The following VTCN1 variants were observed in gnomAD, a reference collection of about 807,000 sequenced individuals.
VTCN1 encodes the protein V-set domain containing T cell activation inhibitor 1, also known as V-set domain-containing T-cell activation inhibitor 1.
Under a neutral mutation model 26.5 loss-of-function variants are expected in VTCN1, and 26 were observed. That is an observed-to-expected ratio of 0.98 (90% CI 0.72 to 1.36). The LOEUF (loss-of-function observed/expected upper bound fraction) is 1.36, where lower values mean the gene tolerates loss of function less well. Ranked by LOEUF, VTCN1 falls within the 40% of genes most tolerant of loss-of-function variation. The probability of loss-of-function intolerance (pLI) is 0.00; values close to 1 mark genes in which losing one functional copy is unlikely to be tolerated. For synonymous variants in VTCN1, 116 were observed against 130.7 expected (o/e 0.89, Z 0.77); for missense variants, 298 against 337.7 (o/e 0.88, Z 0.92).
At chr1:117,181,404 C>A (rs1040480502) in intron 1 of VTCN1, among the ~76,000 whole-genome samples, 1 of 152,146 alleles carries the variant, frequency 6.6e-6, no homozygotes, top group Non-Finnish European at 1.5e-5. Context: ...AATTTAAGAC[C>A]ACCTTTAAAT....
chr1:117,189,337 C>G (rs1200943405), intron 1 of VTCN1, among the ~76,000 whole-genome samples: 4 of 152,330 alleles, frequency 2.6e-5, no homozygotes, highest in South Asian at 4.1e-4. Flanking sequence ...GCATGATTTA[C>G]TCCATTGAAC....
intron 2 of VTCN1, among the ~76,000 whole-genome samples, chr1:117,160,155 T>C (rs963477484): frequency 7.2e-5 from 11 of 152,096 alleles, no homozygotes; most frequent in African/African-American, 2.2e-4. Flanking sequence ...CAAAGAAGTA[T>C]GGGGGAGAGA....
At chr1:117,192,005 G>GGA (rs1353140406) in intron 1 of VTCN1, among the ~76,000 whole-genome samples, 7 of 136,940 alleles carry the variant, frequency 5.1e-5, no homozygotes, top group Non-Finnish European at 7.7e-5. Flanking sequence ...CCAATTCTTA[G>GGA]GAGATATATA....
At chr1:117,200,524 C>G (rs1426705333) in intron 1 of VTCN1, among the ~76,000 whole-genome samples, 1 of 152,174 alleles carries the variant, frequency 6.6e-6, no homozygotes, top group Non-Finnish European at 1.5e-5. Context: ...ACTCCAAGAC[C>G]TAAGGGACAG....
At chr1:117,157,013 T>A (rs1481516435) in intron 2 of VTCN1, 92 bp from the exon 3 acceptor site, 1 of 1,604,102 alleles carries the variant, frequency 6.2e-7, no homozygotes, top group East Asian at 2.2e-5. Context: ...CAGAGACTTC[T>A]GTGATAAATT....
At chr1:117,153,856 T>C (rs1477208570) in intron 3 of VTCN1, among the ~76,000 whole-genome samples, 2 of 152,198 alleles carry the variant, frequency 1.3e-5, no homozygotes, top group African/African-American at 2.4e-5. Flanking sequence ...AGCTTTGTCA[T>C]CACAGGGATT....
chr1:117,181,488 TG>T (rs1647669753), intron 1 of VTCN1, among the ~76,000 whole-genome samples: 1 of 152,226 alleles, frequency 6.6e-6, no homozygotes, highest in Non-Finnish European at 1.5e-5. Context: ...ACTGCCCAGT[TG>T]CTCTCTGCTT....
At chr1:117,190,522 T>C (rs1648192769) in intron 1 of VTCN1, among the ~76,000 whole-genome samples, 1 of 152,094 alleles carries the variant, frequency 6.6e-6, no homozygotes, top group Non-Finnish European at 1.5e-5. Flanking sequence ...TACACACACC[T>C]GATAACAAGC....
At chr1:117,204,147 C>T (rs1279470306) in intron 1 of VTCN1, among the ~76,000 whole-genome samples, 1 of 152,178 alleles carries the variant, frequency 6.6e-6, no homozygotes, top group African/African-American at 2.4e-5. Context: ...CCCTGCAAGT[C>T]TCTGTTTTTC....
intron 1 of VTCN1, among the ~76,000 whole-genome samples, chr1:117,174,486 G>C (rs935139446): frequency 4.6e-5 from 7 of 152,194 alleles, no homozygotes; most frequent in Admixed American, 1.3e-4. Context: ...AAATGAACAG[G>C]CCAGGCGCGG....
At chr1:117,206,662 A>T (rs1649087186) in intron 1 of VTCN1, among the ~76,000 whole-genome samples, 2 of 17,146 alleles carry the variant, frequency 1.2e-4, no homozygotes, top group Non-Finnish European at 5.9e-4. Context: ...AGGAACAGAT[A>T]TTCATATCTG....
intron 4 of VTCN1, among the ~76,000 whole-genome samples, chr1:117,152,394 C>T (rs938192945): frequency 6.6e-5 from 10 of 152,122 alleles, no homozygotes; most frequent in African/African-American, 1.9e-4. Context: ...AATCCAATTT[C>T]GCCCCAGGAA....
At chr1:117,173,389 C>T (rs1653029190) in intron 1 of VTCN1, 1 of 476,272 alleles carries the variant, frequency 2.1e-6, no homozygotes, top group Non-Finnish European at 3.8e-6. Context: ...CACACACACA[C>T]AACACCATGT....
Position 117,155,836 on chromosome 1 carries a change from T to G in VTCN1, c.445+738A>C, listed in dbSNP as rs551144743. ...GGGCTTTCCCATCCCTTCCCTCCTATGCATTTGAACGGGATCTCTCTCTTC... is the reference window on the plus strand; with the variant it reads ...GGGCTTTCCCATCCCTTCCCTCCTAGGCATTTGAACGGGATCTCTCTCTTC... On this transcript the variant is annotated intron_variant, in intron 3 of 5. Coordinates refer to ENST00000369458, the MANE Select transcript of VTCN1 (RefSeq NM_024626.4). This position sits in a 1 kb window ranked among gnomAD's most constrained non-coding sequence, Gnocchi z 4.8. Among the ~76,000 whole-genome samples the G allele has an allele frequency of 4.6e-5, 7 of 152,224 alleles. No homozygotes were observed. The highest frequency in any genetic ancestry group is 1.0e-4 in the Non-Finnish European group (7 of 68,036).
At chr1:117,202,361 G>A (rs1408859186) in intron 1 of VTCN1, among the ~76,000 whole-genome samples, 1 of 152,206 alleles carries the variant, frequency 6.6e-6, no homozygotes, top group Non-Finnish European at 1.5e-5. Context: ...GATGTCAGGA[G>A]TGAGGGGGAG....
At chr1:117,177,563 A>G (rs930412764) in intron 1 of VTCN1, among the ~76,000 whole-genome samples, 1 of 152,188 alleles carries the variant, frequency 6.6e-6, no homozygotes, top group Non-Finnish European at 1.5e-5. Context: ...CTCCATCAAC[A>G]TGGCAGCAGA....
intron 1 of VTCN1, among the ~76,000 whole-genome samples, chr1:117,210,212 TCAGCAGCAGCAGCAGCAG>T (rs71582595): frequency 1.3e-5 from 2 of 150,122 alleles, no homozygotes; most frequent in African/African-American, 4.9e-5. Flanking sequence ...TCTGGGGAGT[TCAGCAGCAGCAGCAGCAG>T]CAGCAGCAGC....
At chr1:117,157,214 C>T (rs1272247327) in intron 2 of VTCN1, among the ~76,000 whole-genome samples, 1 of 151,680 alleles carries the variant, frequency 6.6e-6, no homozygotes, top group Admixed American at 6.6e-5. Flanking sequence ...CAAGTCTTGG[C>T]TTTGTCACTT....
At chr1:117,158,970 C>T (rs1332954841) in intron 2 of VTCN1, among the ~76,000 whole-genome samples, 4 of 152,172 alleles carry the variant, frequency 2.6e-5, no homozygotes, top group Non-Finnish European at 4.4e-5. Flanking sequence ...CAGCAGGTTC[C>T]TCATCTCCAT....
Sources: allele counts gnomAD v4.1 joint callset (sites outside exome capture counted in the v4.1 genomes callset), GRCh38; gene constraint gnomAD v4.1.1; non-coding constraint Gnocchi (gnomAD v3.1); transcripts MANE v1.5; gene names NCBI Gene and HGNC (gene_info 2026-07-23, HGNC 2026-07-21).